KHDRBS2: variants seen among roughly 807,000 people sequenced by gnomAD.
The protein encoded by KHDRBS2 is KH RNA binding domain containing, signal transduction associated 2, also known as KH domain-containing, RNA-binding, signal transduction-associated protein 2.
Under a neutral mutation model 44.3 loss-of-function variants are expected in KHDRBS2, and 26 were observed. The ratio of observed to expected loss-of-function variants is 0.59; its 90% confidence interval spans 0.43 to 0.81. The LOEUF is 0.81. Among genes scored for constraint, KHDRBS2 ranks in the 40% least tolerant of loss-of-function variants. The probability of loss-of-function intolerance (pLI) is 0.00; values close to 1 mark genes in which losing one functional copy is unlikely to be tolerated. For missense variants in KHDRBS2, 476 were observed against 433.1 expected (o/e 1.10, Z -0.88); for synonymous variants, 194 against 151.1 (o/e 1.28, Z -2.08).
At chr6:61,902,262 T>C (rs758766090) in intron 4 of KHDRBS2, among the ~76,000 whole-genome samples, 4 of 152,134 alleles carry the variant, frequency 2.6e-5, no homozygotes, top group Non-Finnish European at 5.9e-5. Flanking sequence ...GTGTGAAATA[T>C]TTAAACACAA....
At chr6:61,952,263 G>C (rs1043912943) in intron 4 of KHDRBS2, among the ~76,000 whole-genome samples, 2 of 152,014 alleles carry the variant, frequency 1.3e-5, no homozygotes, top group Admixed American at 1.3e-4. Flanking sequence ...GGCAGACTGG[G>C]AGCTACACAG....
chr6:61,892,243 A>C (rs1801984198), intron 6 of KHDRBS2, among the ~76,000 whole-genome samples: 1 of 152,158 alleles, frequency 6.6e-6, no homozygotes, highest in South Asian at 2.1e-4. Context: ...TGCTCAATGA[A>C]ATAAAAGAGG....
At chr6:61,811,523 C>G (rs1325179186) in intron 6 of KHDRBS2, among the ~76,000 whole-genome samples, 1 of 152,096 alleles carries the variant, frequency 6.6e-6, no homozygotes, top group African/African-American at 2.4e-5. Context: ...TGAGAAAATT[C>G]CAAACTGCTT....
intron 1 of KHDRBS2, among the ~76,000 whole-genome samples, chr6:62,283,840 T>G (rs1263464714): frequency 6.6e-6 from 1 of 152,134 alleles, no homozygotes; most frequent in African/African-American, 2.4e-5. Context: ...ATAAAACCTA[T>G]GCACCCTTTT....
chr6:62,039,448 A>G (rs1434937665), intron 3 of KHDRBS2, among the ~76,000 whole-genome samples: 1 of 151,948 alleles, frequency 6.6e-6, no homozygotes, highest in Non-Finnish European at 1.5e-5. Flanking sequence ...TGTATGTGGT[A>G]CTAAATATAT....
intron 2 of KHDRBS2, among the ~76,000 whole-genome samples, chr6:62,152,957 T>C (rs188414935): frequency 6.6e-6 from 1 of 152,210 alleles, no homozygotes; most frequent in Non-Finnish European, 1.5e-5. Context: ...AGATACAGCA[T>C]CCCGGATCCA....
At chr6:61,637,883 T>G in the KHDRBS2 span, among the ~76,000 whole-genome samples, 2 of 152,088 alleles carry the variant, frequency 1.3e-5, no homozygotes, top group South Asian at 4.1e-4. Flanking sequence ...ATGGGGGTGT[T>G]TGTTTTTTTC....
chr6:62,054,983 A>G (rs1420094214), intron 2 of KHDRBS2, among the ~76,000 whole-genome samples: 1 of 152,084 alleles, frequency 6.6e-6, no homozygotes, highest in African/African-American at 2.4e-5. Flanking sequence ...CCTACATCAT[A>G]ACAGAAAAAC....
At chr6:62,167,521 G>A (rs971968650) in intron 2 of KHDRBS2, among the ~76,000 whole-genome samples, 4 of 152,022 alleles carry the variant, frequency 2.6e-5, no homozygotes, top group Non-Finnish European at 5.9e-5. Context: ...CCATTCTATT[G>A]GAGAGAATAT....
At chr6:61,932,806 A>G (rs1368839222) in intron 4 of KHDRBS2, among the ~76,000 whole-genome samples, 1 of 152,112 alleles carries the variant, frequency 6.6e-6, no homozygotes, top group South Asian at 2.1e-4. Flanking sequence ...AAAAAAATAA[A>G]AAATAAGAGT....
At chr6:61,910,677 A>G (rs555054339) in intron 4 of KHDRBS2, among the ~76,000 whole-genome samples, 1 of 152,310 alleles carries the variant, frequency 6.6e-6, no homozygotes, top group South Asian at 2.1e-4. Flanking sequence ...AAGGCCTCAG[A>G]CATTGTGAAT....
chr6:61,720,993 A>G (rs552904993), intron 7 of KHDRBS2, among the ~76,000 whole-genome samples: 1 of 151,326 alleles, frequency 6.6e-6, no homozygotes, highest in South Asian at 2.1e-4. Context: ...AGCTTTCTAC[A>G]TATGGCTAGC....
At chr6:61,967,975 C>T (rs1229534622) in intron 4 of KHDRBS2, among the ~76,000 whole-genome samples, 3 of 145,100 alleles carry the variant, frequency 2.1e-5, no homozygotes, top group African/African-American at 7.6e-5. Flanking sequence ...CACACACATG[C>T]ACACACACAC....
chr6:61,807,407 C>T (rs1787338755), intron 6 of KHDRBS2, among the ~76,000 whole-genome samples: 1 of 152,102 alleles, frequency 6.6e-6, no homozygotes, highest in Admixed American at 6.6e-5. Context: ...ATAGCAAAGA[C>T]ATGGACTCAA....
intron 2 of KHDRBS2, among the ~76,000 whole-genome samples, chr6:62,143,737 T>C (rs1228929925): frequency 6.6e-6 from 1 of 151,890 alleles, no homozygotes; most frequent in Admixed American, 6.6e-5. Flanking sequence ...GAACAGATTG[T>C]AGTATTTAAG....
At chr6:61,761,269 G>A (rs1269518331) in intron 6 of KHDRBS2, among the ~76,000 whole-genome samples, 1 of 152,138 alleles carries the variant, frequency 6.6e-6, no homozygotes, top group Admixed American at 6.6e-5. Context: ...AATTAATCAG[G>A]TGTCTGGGTT....
At chr6:61,867,107 T>G (rs1160007206) in intron 6 of KHDRBS2, among the ~76,000 whole-genome samples, 3 of 152,202 alleles carry the variant, frequency 2.0e-5, no homozygotes, top group Admixed American at 2.0e-4. Context: ...ACCAATTTAC[T>G]GTATTAGTCC....
intron 6 of KHDRBS2, among the ~76,000 whole-genome samples, chr6:61,862,081 T>C (rs1797071268): frequency 6.6e-6 from 1 of 152,134 alleles, no homozygotes; most frequent in African/African-American, 2.4e-5. Context: ...GAGATTTTGC[T>C]AAATTTGCTT....
chr6:61,646,137 A>G, the KHDRBS2 span, among the ~76,000 whole-genome samples: 1 of 152,218 alleles, frequency 6.6e-6, no homozygotes, highest in African/African-American at 2.4e-5. Context: ...ACTGCGTTCA[A>G]TCACTCTATG....
Sources: gnomAD v4.1 joint callset for allele counts (sites outside exome capture counted in the v4.1 genomes callset) on GRCh38, gnomAD v4.1.1 for gene constraint, MANE v1.5 for transcripts, NCBI Gene and HGNC (gene_info 2026-07-23, HGNC 2026-07-21) for gene names.